Variants in ADAMTSL1 observed in about 807,000 individuals in gnomAD.
The protein encoded by ADAMTSL1 is ADAMTS-like protein 1.
ADAMTSL1 carries 126 observed loss-of-function variants against 201.8 expected under a neutral mutation model. The ratio of observed to expected loss-of-function variants is 0.62; its 90% CI spans 0.54 to 0.72. ADAMTSL1 has a LOEUF of 0.72. ADAMTSL1 is among the 30% of genes least tolerant of loss of function. The probability of loss-of-function intolerance (pLI) is 0.00; values close to 1 mark genes in which losing one functional copy is unlikely to be tolerated. For missense variants in ADAMTSL1, 2,679 were observed against 2,277.8 expected, an observed-to-expected ratio of 1.18 and a Z score of -3.59; for synonymous variants, 1,121 against 903.4, an observed-to-expected ratio of 1.24 and a Z score of -4.32.
chr9:18,603,355 GCTATGCTA>G (rs1824788221), intron 4 of ADAMTSL1, among the ~76,000 whole-genome samples: 1 of 113,020 alleles, frequency 8.8e-6, no homozygotes, highest in African/African-American at 3.3e-5. Context: ...GCTATGCTAT[GCTATGCTA>G]TGCTATGCTA....
chr9:18,213,252 T>C lies in ADAMTSL1; in HGVS notation c.207+49271T>C, dbSNP rs375566608. On this transcript the variant is annotated intron_variant, in intron 2 of 29. Coordinates refer to the ADAMTSL1 transcript ENST00000680146. Reference sequence around the variant, plus strand: ...TAAACTGCTAAAGCCAGTGAGATTCTTGTTCTTTCCCCTTTTGTATTCAGG... The same window carrying C: ...TAAACTGCTAAAGCCAGTGAGATTCCTGTTCTTTCCCCTTTTGTATTCAGG... Among the ~76,000 whole-genome samples the C allele has an allele frequency of 4.6e-5, 7 of 152,224 alleles. No homozygotes were observed. In the East Asian group the frequency reaches 7.7e-4, roughly 17 times the overall value.
At chr9:18,286,563 C>A (rs372525380) in intron 2 of ADAMTSL1, among the ~76,000 whole-genome samples, 13 of 54,880 alleles carry the variant, frequency 2.4e-4, no homozygotes, top group Non-Finnish European at 3.0e-4. Flanking sequence ...GTTTCTATAG[C>A]AGTTTATGGT....
intron 2 of ADAMTSL1, among the ~76,000 whole-genome samples, chr9:18,507,653 C>T (rs953657217): frequency 2.0e-5 from 3 of 152,124 alleles, no homozygotes; most frequent in Non-Finnish European, 4.4e-5. Flanking sequence ...TGCTTTGATT[C>T]AAGACTTTTG....
At chr9:18,079,770 TACC>T (rs1371245913) in intron 1 of ADAMTSL1, among the ~76,000 whole-genome samples, 1 of 151,750 alleles carries the variant, frequency 6.6e-6, no homozygotes, top group Admixed American at 6.6e-5. Context: ...GTCTGAAGAG[TACC>T]ATGGTGGAAA....
At position 18,105,059 on chromosome 9, in the gene ADAMTSL1, G is replaced by T. The variant is rs181905671; in HGVS notation, c.88-58803G>T. On this transcript the variant is annotated intron_variant, in intron 1 of 29. Transcript: ENST00000680146. ...AAATAGCCTCTAAAAATAATCCATG[G>T]GAGAGAGTAGAAAGAGAGTACTGTG... Among the ~76,000 whole-genome samples the T allele has an allele frequency of 7.2e-4, 109 of 152,252 alleles. 2 individuals are homozygous for T. The highest frequency in any genetic ancestry group is 2.6e-3 in the African/African-American group (109 of 41,554).
intron 5 of ADAMTSL1, among the ~76,000 whole-genome samples, chr9:18,623,929 T>C (rs16936912): frequency 0.01 from 1,550 of 152,280 alleles, 29 homozygotes; most frequent in African/African-American, 0.036. Flanking sequence ...AATTGACATA[T>C]GGAGAGTTTG....
At position 18,817,152 on chromosome 9, in the gene ADAMTSL1, G is replaced by A. The variant is rs756885451; in HGVS notation, c.3849G>A (p.Thr1283=). The A allele has an allele frequency of 8.1e-6, 13 of 1,600,902 alleles. No individual in the cohort carries two copies. The highest frequency in any genetic ancestry group is 4.5e-5 in the East Asian group (2 of 44,548). The part of the protein sequence containing the change: ...VKTSRMTVIN[T]EKPAVTVDIG... ...CGTCACGAATGACAGTGATCAACAC[G>A]GAGAAGCCTGCAGTCACAGTCGATA... Residue 1283 remains threonine (T), a synonymous_variant, in exon 21 of 29, where the codon ACG becomes ACA. Coordinates refer to ENST00000380548, the MANE Select transcript of ADAMTSL1 (RefSeq NM_001040272.6).
At chr9:18,710,662 T>TTG (rs1832516645) in intron 14 of ADAMTSL1, among the ~76,000 whole-genome samples, 1 of 23,984 alleles carries the variant, frequency 4.2e-5, no homozygotes, top group South Asian at 1.8e-3. Flanking sequence ...AGGGCCTAAG[T>TTG]TTTGTTTTGT....
chr9:18,002,063 A>C (rs1455369773), intron 1 of ADAMTSL1, among the ~76,000 whole-genome samples: 2 of 152,090 alleles, frequency 1.3e-5, no homozygotes, highest in South Asian at 4.2e-4. Flanking sequence ...GAAAGGATGA[A>C]GTCAGTAGAG....
chr9:18,752,918 A>G (rs1482406117), intron 15 of ADAMTSL1, among the ~76,000 whole-genome samples: 1 of 152,228 alleles, frequency 6.6e-6, no homozygotes, highest in Non-Finnish European at 1.5e-5. Context: ...ATTAGCAGAA[A>G]GTCCTCTTTA....
At chr9:18,498,281 A>G (rs1179165487) in intron 1 of ADAMTSL1, among the ~76,000 whole-genome samples, 3 of 151,498 alleles carry the variant, frequency 2.0e-5, no homozygotes, top group African/African-American at 7.3e-5. Context: ...GGTACTTCAC[A>G]TGTGTTCTCT....
chr9:18,440,888 A>G (rs1246221710), intron 2 of ADAMTSL1, among the ~76,000 whole-genome samples: 1 of 152,128 alleles, frequency 6.6e-6, no homozygotes, highest in Non-Finnish European at 1.5e-5. Flanking sequence ...TCTTTTTCTT[A>G]ACACCATTTG....
chr9:18,647,486 C>T lies in ADAMTSL1; in HGVS notation c.834+8075C>T, dbSNP rs1368276878. Among the ~76,000 whole-genome samples the T allele has an allele frequency of 2.0e-5, 3 of 151,970 alleles. No individual in the cohort carries two copies. In the East Asian group the frequency reaches 5.8e-4, roughly 29 times the overall value. On this transcript the variant is annotated intron_variant, in intron 7 of 28. Coordinates refer to ENST00000380548, the MANE Select transcript of ADAMTSL1 (RefSeq NM_001040272.6). ...TCTTTTAATTGTGATATTAGGGTGT[C>T]AATTTTGGATCTTTCCTACTTTCTC...
At chr9:17,997,370 T>C (rs1819426493) in intron 1 of ADAMTSL1, among the ~76,000 whole-genome samples, 2 of 152,090 alleles carry the variant, frequency 1.3e-5, no homozygotes, top group Admixed American at 6.6e-5. Flanking sequence ...CTGGTGTTGG[T>C]TGTGATGAAG....
At chr9:18,868,795 G>T (rs912431632) in intron 23 of ADAMTSL1, among the ~76,000 whole-genome samples, 5 of 152,194 alleles carry the variant, frequency 3.3e-5, no homozygotes. Flanking sequence ...GCTCAATAGT[G>T]TCCAGTTGCC....
intron 3 of ADAMTSL1, among the ~76,000 whole-genome samples, chr9:18,569,070 G>A (rs1291410463): frequency 2.0e-5 from 3 of 152,152 alleles, no homozygotes; most frequent in Non-Finnish European, 4.4e-5. Flanking sequence ...CTTAGCTGCT[G>A]CGGTAGAATC....
chr9:18,544,581 G>T (rs1820361597), intron 3 of ADAMTSL1, among the ~76,000 whole-genome samples: 1 of 152,076 alleles, frequency 6.6e-6, no homozygotes, highest in African/African-American at 2.4e-5. Context: ...AGTTGTAAAT[G>T]ACCATTGAGT....
intron 1 of ADAMTSL1, among the ~76,000 whole-genome samples, chr9:18,487,811 G>T (rs907765979): frequency 6.6e-6 from 1 of 152,148 alleles, no homozygotes; most frequent in Non-Finnish European, 1.5e-5. Context: ...TGGTTAGCAG[G>T]AGCCTCCCCA....
intron 1 of ADAMTSL1, among the ~76,000 whole-genome samples, chr9:18,157,583 C>G (rs960790529): frequency 6.6e-6 from 1 of 151,916 alleles, no homozygotes; most frequent in African/African-American, 2.4e-5. Flanking sequence ...ATTATGAGGC[C>G]CAGCTGAACA....
Sources: gnomAD v4.1 joint callset for allele counts (sites outside exome capture counted in the v4.1 genomes callset) on GRCh38, gnomAD v4.1.1 for gene constraint, MANE v1.5 for transcripts, NCBI Gene and HGNC (gene_info 2026-07-23, HGNC 2026-07-21) for gene names.